The following MUC4 variants were observed in gnomAD, a reference collection of about 807,000 sequenced individuals.
MUC4 encodes mucin 4, cell surface associated.
MUC4 carries 202 observed loss-of-function variants against 257.9 expected under a neutral mutation model. The observed-to-expected ratio is 0.78, with a 90% CI of 0.70 to 0.88. The LOEUF is 0.88. Among genes scored for constraint, MUC4 ranks in the 40% least tolerant of loss-of-function variants. The probability of loss-of-function intolerance (pLI) is 0.00; values close to 1 mark genes in which losing one functional copy is unlikely to be tolerated. For synonymous variants in MUC4, 2,351 were observed against 2,757.1 expected (o/e 0.85, Z 4.62); for missense variants, 5,976 against 6,513.7 (o/e 0.92, Z 2.84).
chr3:195,765,003 G>T lies in MUC4; in HGVS notation c.13918C>A (p.Gln4640Lys), dbSNP rs1365946697. ...REGWHVQRPW[Q>K]LAQELEPQSW... ...AGATCACGGACTCACGCACCCAACT[G>T]CCAAGGACGCTGCACGTGCCAGCCT... Residue 4640 changes from glutamine (Q) to lysine (K), a missense_variant, in exon 10 of 25, where the codon CAG (glutamine) becomes AAG (lysine). By Grantham distance (53) the Gln-to-Lys change is moderately conservative. Around this residue, in one of 44 missense-constraint regions of MUC4, gnomAD observed 996 missense variants for 1,137.3 expected, o/e 0.88. Coordinates refer to ENST00000463781, the MANE Select transcript of MUC4 (RefSeq NM_018406.7). 6.2e-7 allele frequency: 1 copy of T among 1,613,820 alleles called. No homozygotes were observed. The highest frequency in any genetic ancestry group is 8.5e-7 in the Non-Finnish European group (1 of 1,179,958).
At chr3:195,811,715 T>C (rs367887100) in intron 1 of MUC4, 21 bp downstream of exon 1, 3 of 1,612,638 alleles carry the variant, frequency 1.9e-6, no homozygotes, top group Admixed American at 1.7e-5. Context: ...GCCAGCCTCA[T>C]CTGCTGTCTC....
Position 195,760,928 on chromosome 3 carries a change from G to C in MUC4, c.14804C>G (p.Thr4935Arg), listed in dbSNP as rs533873966. The C allele has an allele frequency of 1.2e-6, 2 of 1,614,190 alleles. No individual in the cohort carries two copies. Among genetic ancestry groups the C allele is most frequent in the South Asian group, 1.1e-5 (1 of 91,084 alleles). ...ALRNASIGLH[T>R]REVSKNYEQA... ...CTCGTAGTTTTTACTGACTTCCCTC[G>C]TGTGAAGTCCGATGCTTGCGTTGCG... Residue 4935 changes from threonine (T) to arginine (R), a missense_variant, in exon 16 of 25, where the codon ACG becomes AGG. Thr to Arg is a moderately conservative substitution (Grantham distance 71, BLOSUM62 -1). Around this residue, in one of 44 missense-constraint regions of MUC4, gnomAD observed 996 missense variants for 1,137.3 expected, o/e 0.88. Transcript: ENST00000463781.
Position 195,789,191 on chromosome 3 carries a change from T to C in MUC4, c.2389A>G (p.Thr797Ala). ...TSEPASSGSR[T>A]TSAGTATPSS... ...GGGGTAGCTGTGCCCGCTGAGGTGG[T>C]TCGTGACCCTGAGGAGGCCGGTTCG... Residue 797 changes from threonine (T) to alanine (A), a missense_variant, in exon 2 of 25, where the codon ACC becomes GCC. Physicochemically the swap from Thr to Ala is moderately conservative, Grantham distance 58. Transcript: ENST00000463781. The C allele has an allele frequency of 6.2e-7, 1 of 1,613,780 alleles. No homozygotes were observed. Among genetic ancestry groups the C allele is most frequent in the Non-Finnish European group, 8.5e-7 (1 of 1,179,846 alleles).
chr3:195,752,090 T>G, intron 21 of MUC4: 3 of 442,160 alleles, frequency 6.8e-6, no homozygotes, highest in Admixed American at 3.5e-5. Flanking sequence ...TCCCGGGAGG[T>G]GAAATGTCCT....
Position 195,753,116 on chromosome 3 carries a change from G to A in MUC4, c.15443C>T (p.Pro5148Leu), listed in dbSNP as rs1388994067. The change falls in exon 20 of 25, where the codon CCC becomes CTC. Residue 5148 changes from proline to leucine, a missense_variant. Around this residue, in one of 44 missense-constraint regions of MUC4, gnomAD observed 996 missense variants for 1,137.3 expected, o/e 0.88. Coordinates refer to ENST00000463781, the MANE Select transcript of MUC4 (RefSeq NM_018406.7). Reference sequence around the variant, plus strand: ...GCAGCGGCTGTCAGTGAAGGCTGGGGGGCAGGTGCACATGGGCTGACAGCC... The same window carrying A: ...GCAGCGGCTGTCAGTGAAGGCTGGGAGGCAGGTGCACATGGGCTGACAGCC... ...TLGCQPMCTC[P>L]PAFTDSRCFL... 1.2e-6 allele frequency: 2 copies of A among 1,612,806 alleles called. No homozygotes were observed. The highest frequency in any genetic ancestry group is 1.1e-5 in the South Asian group (1 of 90,878).
Position 195,780,684 on chromosome 3 carries a change from A to C in MUC4, c.10896T>G (p.Pro3632=). 1 of 1,521,690 alleles carries C rather than the reference A, an allele frequency of 6.6e-7. No homozygotes were observed. The highest frequency in any genetic ancestry group is 8.8e-7 in the Non-Finnish European group (1 of 1,142,478). The allele number at this position is 1,521,690 out of a possible 1,614,324, so 94.3% of individuals were successfully genotyped here. The stretch of plus-strand genomic sequence containing the variant: ...CTGAGGAAAGGCTGGTGACAGGAAG[A>C]GGGGTGGCCTGACCTGTGGATGCTG... ...TSSASTGQAT[P]LPVTSLSSVS... is the part of the protein sequence containing the mutation. The change falls in exon 2 of 25, where the codon CCT becomes CCG. Residue 3632 remains proline (P), a synonymous_variant. Transcript: ENST00000463781.
chr3:195,795,953 C>T (rs2149054355), intron 1 of MUC4, among the ~76,000 whole-genome samples: 1 of 151,392 alleles, frequency 6.6e-6, no homozygotes, highest in Non-Finnish European at 1.5e-5. Flanking sequence ...AGAGACAGTG[C>T]TCTGATGAAT....
Position 195,789,686 on chromosome 3 carries a change from G to A in MUC4, c.1894C>T (p.Pro632Ser). ...GTGTGACCCCTTTGGGAAACAGCTG[G>A]TGATTCCTGAGGAGAGGTGCTTGTG... ...HSTSTSPQES[P>S]AVSQRGHTQA... is the part of the protein sequence containing the mutation. Residue 632 changes from proline to serine, a missense_variant, in exon 2 of 25, where the codon CCA becomes TCA. By Grantham distance (74) the Pro-to-Ser change is moderately conservative (BLOSUM62 -1). This residue lies in a region of MUC4 where 1,583 missense variants were observed against 1,257.4 expected (regional missense o/e 1.26). Transcript: ENST00000463781. The A allele has an allele frequency of 1.2e-6, 2 of 1,613,954 alleles. No individual in the cohort carries two copies.
At chr3:195,793,279 T>A (rs1734102098) in intron 1 of MUC4, among the ~76,000 whole-genome samples, 1 of 152,004 alleles carries the variant, frequency 6.6e-6, no homozygotes, top group Non-Finnish European at 1.5e-5. Flanking sequence ...GGTGGATCAC[T>A]TGAGGTCAGG....
intron 7 of MUC4, among the ~76,000 whole-genome samples, chr3:195,766,963 G>A (rs1370333745): frequency 8.5e-5 from 13 of 152,184 alleles, no homozygotes; most frequent in Admixed American, 2.0e-4. Context: ...GGCTCTAACC[G>A]ATTCCACATC....
Position 195,754,381 on chromosome 3 carries a change from G to C in MUC4, c.15169-9C>G. The C allele has an allele frequency of 1.2e-6, 2 of 1,600,856 alleles. No individual in the cohort carries two copies. The highest frequency in any genetic ancestry group is 1.7e-6 in the Non-Finnish European group (2 of 1,172,662). On this transcript the variant is annotated splice_polypyrimidine_tract_variant and intron_variant, in intron 18 of 24. Coordinates refer to ENST00000463781, the MANE Select transcript of MUC4 (RefSeq NM_018406.7). ...CACTTGCAGCCAGCCACCTGGAGGAGGGTTGCCGATCACGGGCGGCCAGGA... is the reference window on the plus strand; with the variant it reads ...CACTTGCAGCCAGCCACCTGGAGGACGGTTGCCGATCACGGGCGGCCAGGA...
At position 195,782,273 on chromosome 3, in the gene MUC4, T is replaced by C. The variant is rs752456367; in HGVS notation, c.9307A>G (p.Thr3103Ala). The change falls in exon 2 of 25, where the codon ACG (threonine) becomes GCG (alanine). Residue 3103 changes from threonine (T) to alanine (A), a missense_variant. This residue lies in a region of MUC4 where 128 missense variants were observed against 104.8 expected (regional missense o/e 1.22). Coordinates refer to ENST00000463781, the MANE Select transcript of MUC4 (RefSeq NM_018406.7). ...GAAGGGCTAGTGACAGGAAGAGGCG[T>C]GGTGTCACCTGTGGATACTGAGGAA... Reference protein sequence around the residue: ...SLSSVSTGDTTPLPVTSPSSA... With the variant: ...SLSSVSTGDTAPLPVTSPSSA... 9 of 1,536,482 alleles carry C rather than the reference T, an allele frequency of 5.9e-6. No individual in the cohort carries two copies. Among genetic ancestry groups the C allele is most frequent in the East Asian group, 2.5e-5 (1 of 40,280 alleles).
intron 7 of MUC4, among the ~76,000 whole-genome samples, chr3:195,767,874 CCATCACCACCAT>C (rs1721798911): frequency 2.1e-5 from 3 of 142,034 alleles, no homozygotes; most frequent in African/African-American, 8.9e-5. Context: ...AACACCACCA[CCATCACCACCAT>C]CACCACCACC....
rs955374742 is a variant in MUC4 at position 195,810,697 on chromosome 3, G to A, written c.82+1039C>T. Among the ~76,000 whole-genome samples the A allele has an allele frequency of 3.3e-5, 5 of 152,110 alleles. No individual in the cohort carries two copies. The highest frequency in any genetic ancestry group is 1.3e-4 in the Admixed American group (2 of 15,274). On this transcript the variant is annotated intron_variant, in intron 1 of 24. Transcript: ENST00000463781. This position sits in a 1 kb window ranked among gnomAD's most constrained non-coding sequence, Gnocchi z 4.2. ...CCTCCTCCGCACCACCCTCCCGGCC[G>A]GCCTGCCCCTCTCCTCCTTGTCGCT...
rs777991056 is a variant in MUC4, at chr3:195,761,590, G to A, written c.14513-5C>T. On this transcript the variant is annotated splice_polypyrimidine_tract_variant and splice_region_variant and intron_variant, in intron 14 of 24. Coordinates refer to ENST00000463781, the MANE Select transcript of MUC4 (RefSeq NM_018406.7). ...CTGGATTGTTATTCCAGACCCCTGA[G>A]GGACAGAGTGGGAGGTTGGCCACCC... is the stretch of plus-strand genomic sequence containing the variant. The A allele has an allele frequency of 3.1e-6, 5 of 1,611,532 alleles. No homozygotes were observed. Among genetic ancestry groups the A allele is most frequent in the East Asian group, 2.2e-5 (1 of 44,870 alleles).
In MUC4 at chr3:195,784,749, G is replaced by A. The variant is rs565245867; in HGVS notation, c.6831C>T (p.Ser2277=). 5 of 1,450,314 alleles carry A rather than the reference G, an allele frequency of 3.4e-6. No individual in the cohort carries two copies. Among genetic ancestry groups the A allele is most frequent in the African/African-American group, 3.1e-5 (2 of 64,140 alleles). 89.8% of individuals were successfully genotyped at this position (1,450,314 alleles called of 1,614,324 possible). Residue 2277 remains serine (S), a synonymous_variant, in exon 2 of 25, where the codon AGC becomes AGT. Coordinates refer to ENST00000463781, the MANE Select transcript of MUC4 (RefSeq NM_018406.7). ...TGTCACCTGTGGATACTGAGGAAAG[G>A]CTGGTGACAGGAAGAGAGGTGGCGT... ...TGHATSLPVT[S]LSSVSTGDTT... is the part of the protein sequence containing the mutation.
chr3:195,758,493 A>G (rs1718100484), intron 17 of MUC4, among the ~76,000 whole-genome samples: 1 of 151,828 alleles, frequency 6.6e-6, no homozygotes, highest in Admixed American at 6.6e-5. Context: ...GTTGCACTTG[A>G]TTATTCTAAT....
chr3:195,754,938 ATG>A (rs1717344591), intron 18 of MUC4, among the ~76,000 whole-genome samples: 1 of 82,446 alleles, frequency 1.2e-5, no homozygotes. Flanking sequence ...GTATCCATGT[ATG>A]TATCCATATG....
chr3:195,769,423 C>A, intron 6 of MUC4: 1 of 433,610 alleles, frequency 2.3e-6, no homozygotes, highest in Non-Finnish European at 4.2e-6. Flanking sequence ...GGTTACAATT[C>A]AGTTAGATGA....
Sources: allele counts gnomAD v4.1 joint callset (sites outside exome capture counted in the v4.1 genomes callset), GRCh38; gene constraint gnomAD v4.1.1; regional missense constraint gnomAD v4.1.1; non-coding constraint Gnocchi (gnomAD v3.1); transcripts MANE v1.5; gene names NCBI Gene and HGNC (gene_info 2026-07-23, HGNC 2026-07-21).